Variants in ZGRF1 observed in about 807,000 individuals in gnomAD.
ZGRF1 encodes the protein 5'-3' DNA helicase ZGRF1.
A neutral mutation model predicts 203.5 loss-of-function variants in ZGRF1; 196 were observed. The observed-to-expected ratio is 0.96, with a 90% CI of 0.86 to 1.08. The LOEUF is 1.08. ZGRF1 is among the 50% of genes least tolerant of loss of function. The pLI, the probability that ZGRF1 is intolerant of heterozygous loss-of-function variation, is 0.00. For synonymous variants in ZGRF1, 809 were observed against 841.3 expected, an observed-to-expected ratio of 0.96 and a Z score of 0.66; for missense variants, 2,326 against 2,416.3, an observed-to-expected ratio of 0.96 and a Z score of 0.78.
chr4:112,620,923 T>A (rs1418241727), intron 4 of ZGRF1, among the ~76,000 whole-genome samples: 1 of 151,688 alleles, frequency 6.6e-6, no homozygotes, highest in Non-Finnish European at 1.5e-5. Flanking sequence ...TCTCAGCTAC[T>A]TGAAAGGCTG....
In ZGRF1 at chr4:112,619,681, C is replaced by T. The variant is rs1185194590; in HGVS notation, c.361G>A (p.Gly121Arg). 3.1e-6 allele frequency: 5 copies of T among 1,595,292 alleles called. No homozygotes were observed. The highest frequency in any genetic ancestry group is 2.6e-6 in the Non-Finnish European group (3 of 1,172,598). Residue 121 changes from glycine (G) to arginine (R), a missense_variant, in exon 6 of 28, where the codon GGA (glycine) becomes AGA (arginine). Coordinates refer to ENST00000505019, the MANE Select transcript of ZGRF1 (RefSeq NM_018392.5). Reference sequence around the variant, plus strand: ...ATTTTCTTTGGAACCTGACGTGGTCCTTGAAAACCCTGAAAATATTAAAAT... The same window carrying T: ...ATTTTCTTTGGAACCTGACGTGGTCTTTGAAAACCCTGAAAATATTAAAAT... The part of the protein sequence containing the change: ...GLKRKFTGFQ[G>R]PRQVPKKMVI...
rs781068486 is a variant in ZGRF1 at position 112,560,964 on chromosome 4, C to T, written c.4729G>A (p.Val1577Ile). Residue 1577 changes from valine to isoleucine, a missense_variant, in exon 19 of 28, where the codon GTC becomes ATC. Physicochemically the swap from Val to Ile is conservative, Grantham distance 29. Coordinates refer to ENST00000505019, the MANE Select transcript of ZGRF1 (RefSeq NM_018392.5). Reference protein sequence around the residue: ...SSPTIVSNKRVSKRKFIPPAF... With the variant: ...SSPTIVSNKRISKRKFIPPAF... ...GGTGGGATAAATTTTCTCTTACTGA[C>T]TCTTTTGTTACTAACTATAGTTGGC... 4 of 1,610,730 alleles carry T rather than the reference C, an allele frequency of 2.5e-6. No individual in the cohort carries two copies. The highest frequency in any genetic ancestry group is 3.4e-6 in the Non-Finnish European group (4 of 1,177,652).
chr4:112,545,367 T>A (rs904094784), intron 24 of ZGRF1, among the ~76,000 whole-genome samples: 1 of 151,590 alleles, frequency 6.6e-6, no homozygotes, highest in African/African-American at 2.4e-5. Flanking sequence ...AAAAAGAATA[T>A]AAATGGCTAA....
intron 12 of ZGRF1, 71 bp downstream of exon 12, chr4:112,587,209 G>C: frequency 1.4e-6 from 2 of 1,430,366 alleles, no homozygotes; most frequent in South Asian, 1.4e-5. Context: ...GTATATTTTG[G>C]TAATTCTTTT....
intron 3 of ZGRF1, chr4:112,628,872 T>TA (rs1435916508): frequency 2.3e-6 from 1 of 426,750 alleles, no homozygotes; most frequent in Non-Finnish European, 4.6e-6. Context: ...AGGCAGAATA[T>TA]AAAAGAAAAA....
intron 2 of ZGRF1, among the ~76,000 whole-genome samples, 162 bp downstream of exon 2, chr4:112,632,994 G>C (rs779834303): frequency 1.3e-5 from 2 of 152,170 alleles, no homozygotes; most frequent in Non-Finnish European, 2.9e-5. Flanking sequence ...TGCTAAAAAA[G>C]GTATGCATTG....
In ZGRF1 at chr4:112,619,356, G is replaced by A; in HGVS notation, c.686C>T (p.Thr229Ile). The A allele has an allele frequency of 6.2e-7, 1 of 1,612,860 alleles. No homozygotes were observed. Among genetic ancestry groups the A allele is most frequent in the Non-Finnish European group, 8.5e-7 (1 of 1,179,420 alleles). The change falls in exon 6 of 28, where the codon ACC becomes ATC. Residue 229 changes from threonine to isoleucine, a missense_variant. Physicochemically the swap from Thr to Ile is moderately conservative, Grantham distance 89. Transcript: ENST00000505019. ...SGNKLSDSLL[T>I]NEPVKRDSLA... ...ACTATCTCTTTTCACAGGCTCATTG[G>A]TCAGTAAAGAGTCTGAAAGCTTATT...
At chr4:112,562,906 A>G (rs1742276397) in intron 17 of ZGRF1, among the ~76,000 whole-genome samples, 2 of 152,190 alleles carry the variant, frequency 1.3e-5, no homozygotes, top group Non-Finnish European at 1.5e-5. Flanking sequence ...GAAAACAGAA[A>G]ATCAGAATAA....
chr4:112,553,487 G>C (rs2148861188), intron 22 of ZGRF1, among the ~76,000 whole-genome samples: 1 of 152,282 alleles, frequency 6.6e-6, no homozygotes, highest in East Asian at 1.9e-4. Flanking sequence ...CTCCATCACT[G>C]TTTCTCCTAG....
Position 112,584,048 on chromosome 4 carries a change from T to C in ZGRF1, c.4228A>G (p.Ile1410Val). The change falls in exon 15 of 28, where the codon ATT (isoleucine) becomes GTT (valine). Residue 1410 changes from isoleucine to valine, a missense_variant. Ile to Val is a conservative substitution (Grantham distance 29). Transcript: ENST00000505019. The stretch of plus-strand genomic sequence containing the variant: ...CTTAAATATAAGCCAATACTCTTAA[T>C]ATCACTTAAAACCATGCCAGGTCGA... The part of the protein sequence containing the change: ...GARPGMVLSD[I>V]KSIGLYLRSQ... 1 of 1,613,582 alleles carries C rather than the reference T, an allele frequency of 6.2e-7. No individual in the cohort carries two copies. Among genetic ancestry groups the C allele is most frequent in the Non-Finnish European group, 8.5e-7 (1 of 1,179,688 alleles).
chr4:112,546,247 A>T (rs1321498811), intron 24 of ZGRF1, among the ~76,000 whole-genome samples: 1 of 152,022 alleles, frequency 6.6e-6, no homozygotes, highest in Non-Finnish European at 1.5e-5. Context: ...GCCAGAAGCT[A>T]TAGGGAAGAG....
chr4:112,572,047 G>C (rs12503153), intron 16 of ZGRF1, among the ~76,000 whole-genome samples: 8,451 of 152,094 alleles, frequency 0.056, 439 homozygotes, highest in East Asian at 0.19. Context: ...ATAAAAAATG[G>C]TTACTATTCT....
chr4:112,618,349 C>A lies in ZGRF1; in HGVS notation c.1693G>T (p.Val565Phe), dbSNP rs1226278080. Residue 565 changes from valine to phenylalanine, a missense_variant, in exon 6 of 28, where the codon GTT (valine) becomes TTT (phenylalanine). Coordinates refer to ENST00000505019, the MANE Select transcript of ZGRF1 (RefSeq NM_018392.5). ...TGAAAACATGAATTGCCATCATTAA[C>A]CAAAATGTCCTTTACCCAACTCTCT... ...DSESWVKDIL[V>F]NDGNSCFQKR... is the part of the protein sequence containing the mutation. 2 of 1,613,792 alleles carry A rather than the reference C, an allele frequency of 1.2e-6. No homozygotes were observed. Among genetic ancestry groups the A allele is most frequent in the Non-Finnish European group, 1.7e-6 (2 of 1,179,888 alleles).
chr4:112,605,525 G>A (rs1578424146), intron 9 of ZGRF1: 2 of 154,486 alleles, frequency 1.3e-5, no homozygotes, highest in South Asian at 2.0e-4. Flanking sequence ...TGGGTTTTAG[G>A]AGTAGAACTG....
At chr4:112,600,346 T>C (rs566328693) in intron 10 of ZGRF1, among the ~76,000 whole-genome samples, 136 of 152,220 alleles carry the variant, frequency 8.9e-4, no homozygotes, top group Non-Finnish European at 1.6e-3. Context: ...GAAAGATTTC[T>C]TAAGATACAA....
chr4:112,600,989 T>G (rs1303519563), intron 10 of ZGRF1, among the ~76,000 whole-genome samples: 1 of 151,932 alleles, frequency 6.6e-6, no homozygotes, highest in African/African-American at 2.4e-5. Flanking sequence ...TCTGCCAGAC[T>G]TCATCACCCC....
At chr4:112,558,700 T>C (rs1578713197) in intron 19 of ZGRF1, among the ~76,000 whole-genome samples, 1 of 152,154 alleles carries the variant, frequency 6.6e-6, no homozygotes, top group East Asian at 1.9e-4. Context: ...TTCATCCATC[T>C]CTCCCTCCTC....
At chr4:112,612,495 A>C in intron 7 of ZGRF1, 29 bp downstream of exon 7, 1 of 1,439,094 alleles carries the variant, frequency 6.9e-7, no homozygotes, top group African/African-American at 1.4e-5. Flanking sequence ...AAAATAAAAA[A>C]AACATACTCT....
intron 3 of ZGRF1, among the ~76,000 whole-genome samples, chr4:112,625,294 A>G (rs545877255): frequency 1.3e-5 from 2 of 152,116 alleles, no homozygotes; most frequent in Admixed American, 1.3e-4. Context: ...GTCTATTTAA[A>G]AAAAGAAAAT....
Sources: allele counts gnomAD v4.1 joint callset (sites outside exome capture counted in the v4.1 genomes callset), GRCh38; gene constraint gnomAD v4.1.1; transcripts MANE v1.5; gene names NCBI Gene and HGNC (gene_info 2026-07-23, HGNC 2026-07-21).